The following UTY variants were observed in gnomAD, a reference collection of about 807,000 sequenced individuals.
The protein encoded by UTY is ubiquitously transcribed tetratricopeptide repeat containing, Y-linked, also known as histone demethylase UTY.
In UTY, 12 loss-of-function variants were observed where a neutral mutation model predicts 32.5. The ratio of observed to expected loss-of-function variants is 0.37; its 90% CI spans 0.24 to 0.60. UTY has a LOEUF of 0.60. Among genes scored for constraint, UTY ranks in the 20% least tolerant of loss-of-function variants. The probability of loss-of-function intolerance (pLI) is 0.69; values close to 1 mark genes in which losing one functional copy is unlikely to be tolerated. For missense variants in UTY, 303 were observed against 299.2 expected (o/e 1.01, Z -0.09); for synonymous variants, 131 against 103.4 (o/e 1.27, Z -1.62).
At chrY:13,326,711 A>G (rs1003172684) in intron 18 of UTY, among the ~76,000 whole-genome samples, 1 of 34,175 alleles carries the variant, frequency 2.9e-5, no homozygotes, top group Non-Finnish European at 7.3e-5. Flanking sequence ...ATAAAATGAT[A>G]AAACAGTTGA....
rs549154533 is a variant in UTY at position 13,321,498 on chromosome Y, C to A, written c.3276+2057G>T. On this transcript the variant is annotated intron_variant, in intron 21 of 29. Coordinates refer to ENST00000545955, the MANE Select transcript of UTY (RefSeq NM_001258249.2). Reference sequence around the variant, plus strand: ...CTGGGTACTGTTTAGGGCAAACCTGCCTCCATTCTATTTAAAGTCACCCCT... The same window carrying A: ...CTGGGTACTGTTTAGGGCAAACCTGACTCCATTCTATTTAAAGTCACCCCT... 1.8e-4 allele frequency among the ~76,000 whole-genome samples: 6 copies of A among 33,135 alleles called. No homozygotes were observed. The South Asian group carries it at 4.0e-3, about 22-fold the overall frequency. 88.9% of individuals were successfully genotyped at this position (33,135 alleles called of 37,273 possible).
chrY:13,303,245 T>C (rs2058478580), intron 24 of UTY, among the ~76,000 whole-genome samples: 1 of 33,683 alleles, frequency 3.0e-5, no homozygotes, highest in South Asian at 6.5e-4. Context: ...ACCTGTCTCC[T>C]ACCACTCTTG....
At chrY:13,402,972 G>T (rs980067790) in intron 6 of UTY, among the ~76,000 whole-genome samples, 1 of 33,052 alleles carries the variant, frequency 3.0e-5, no homozygotes, top group Admixed American at 2.8e-4. Flanking sequence ...TGTAACCTAT[G>T]CTAATTAAAG....
At chrY:13,273,487 G>A in intron 27 of UTY, among the ~76,000 whole-genome samples, 2 of 33,357 alleles carry the variant, frequency 6.0e-5, no homozygotes, top group Non-Finnish European at 1.5e-4. Flanking sequence ...GAATACACAA[G>A]TCTCATGAAA....
At chrY:13,379,897 GGTGTGTGTGT>G (rs59144905) in intron 8 of UTY, among the ~76,000 whole-genome samples, 1 of 16,822 alleles carries the variant, frequency 5.9e-5, no homozygotes, top group Non-Finnish European at 1.2e-4. Context: ...AACATTAAGG[GGTGTGTGTGT>G]GTGTGTGTGT....
At chrY:13,260,902 G>GA (rs2055218187) in intron 27 of UTY, among the ~76,000 whole-genome samples, 1 of 32,831 alleles carries the variant, frequency 3.0e-5, no homozygotes, top group Non-Finnish European at 7.6e-5. Context: ...TAATAACAAA[G>GA]AAAAAAAAGT....
intron 3 of UTY, among the ~76,000 whole-genome samples, chrY:13,451,645 A>T (rs2076323673): frequency 3.0e-5 from 1 of 33,338 alleles, no homozygotes; most frequent in Non-Finnish European, 7.4e-5. Flanking sequence ...TGTGTACTGT[A>T]AACAGTACAG....
intron 8 of UTY, among the ~76,000 whole-genome samples, chrY:13,373,075 C>T: frequency 3.0e-5 from 1 of 33,175 alleles, no homozygotes; most frequent in Admixed American, 2.8e-4. Flanking sequence ...ACTTGTACAC[C>T]GCTGTGTATA....
At chrY:13,411,188 T>C in intron 5 of UTY, 75 bp from the exon 6 acceptor site, 1 of 266,013 alleles carries the variant, frequency 3.8e-6, no homozygotes, top group East Asian at 1.2e-4. Context: ...ATAGGAAACA[T>C]TCTGGTTATT....
intron 6 of UTY, among the ~76,000 whole-genome samples, chrY:13,407,142 T>A: frequency 9.2e-5 from 3 of 32,528 alleles, no homozygotes; most frequent in African/African-American, 3.6e-4. Context: ...TAAAACTATC[T>A]GTCAAAATTA....
intron 8 of UTY, among the ~76,000 whole-genome samples, chrY:13,386,580 T>G (rs902673765): frequency 3.6e-4 from 12 of 32,937 alleles, no homozygotes; most frequent in Admixed American, 2.2e-3. Context: ...CTGTTTTTTT[T>G]GTACCAAAAT....
chrY:13,318,872 T>C, intron 21 of UTY, among the ~76,000 whole-genome samples: 1 of 32,272 alleles, frequency 3.1e-5, no homozygotes, highest in African/African-American at 1.2e-4. Flanking sequence ...CTGGGTGTGA[T>C]GGTGCATGCC....
intron 8 of UTY, chrY:13,393,212 A>C: frequency 3.0e-5 from 1 of 33,560 alleles, no homozygotes; most frequent in African/African-American, 1.2e-4. Context: ...AAAAAATGCT[A>C]CCCATTTTTT....
chrY:13,299,249 A>C, intron 25 of UTY, 105 bp from the exon 26 acceptor site: 1 of 165,025 alleles, frequency 6.1e-6, no homozygotes, highest in African/African-American at 9.1e-5. Context: ...AAAAGATTTA[A>C]CAAGAGTTAA....
At position 13,295,393 on chromosome Y, in the gene UTY, C is replaced by G. The variant is rs767751201; in HGVS notation, c.4010+2314G>C. ...CTCATGAGAGATCCCTCCCCATAAC[C>G]CAAACACTCCCCAGGAGACCCCCAC... is the stretch of plus-strand genomic sequence containing the variant. On this transcript the variant is annotated intron_variant, in intron 27 of 29. Coordinates refer to ENST00000545955, the MANE Select transcript of UTY (RefSeq NM_001258249.2). Among the ~76,000 whole-genome samples, 4 of 33,177 alleles carry G rather than the reference C, an allele frequency of 1.2e-4. No individual in the cohort carries two copies. The East Asian group carries it at 3.2e-3, about 26-fold the overall frequency. The allele number at this position is 33,177 out of a possible 37,273, so 89.0% of individuals were successfully genotyped here.
At chrY:13,410,945 G>A (rs745697867) in intron 6 of UTY, 48 bp downstream of exon 6, 15 of 387,854 alleles carry the variant, frequency 3.9e-5, no homozygotes, top group East Asian at 9.5e-5. Context: ...GTGCATGCAC[G>A]CACACACATA....
chrY:13,300,319 T>C (rs2058307113), intron 25 of UTY, among the ~76,000 whole-genome samples: 2 of 33,010 alleles, frequency 6.1e-5, no homozygotes, highest in Non-Finnish European at 1.5e-4. Context: ...TACCAGCACT[T>C]TGGGAGGCCC....
Position 13,355,317 on chromosome Y carries a change from A to C in UTY, c.1747T>G (p.Ser583Ala). ...CCATGTGGTTGTCGATTAGAGACAG[A>C]GTTTGTAGGCAGTGATGAATCAGTT... The part of the protein sequence containing the change: ...AITDSSLPTN[S>A]VSNRQPHGAL... The change falls in exon 17 of 30, where the codon TCT (serine) becomes GCT (alanine). Residue 583 changes from serine to alanine, a missense_variant. Ser to Ala is a moderately conservative substitution (Grantham distance 99, BLOSUM62 1). Transcript: ENST00000545955. The C allele has an allele frequency of 2.5e-6, 1 of 398,304 alleles. No homozygotes were observed. The highest frequency in any genetic ancestry group is 3.5e-6 in the Non-Finnish European group (1 of 283,188).
At chrY:13,343,746 C>T (rs945080509) in intron 17 of UTY, among the ~76,000 whole-genome samples, 5 of 32,755 alleles carry the variant, frequency 1.5e-4, no homozygotes, top group Admixed American at 1.4e-3. Flanking sequence ...CTCTGCTGGT[C>T]GGAACTTCAG....
Sources: gnomAD v4.1 joint callset for allele counts (sites outside exome capture counted in the v4.1 genomes callset) on GRCh38, gnomAD v4.1.1 for gene constraint, MANE v1.5 for transcripts, NCBI Gene and HGNC (gene_info 2026-07-23, HGNC 2026-07-21) for gene names.